SYT6: variants seen among roughly 807,000 people sequenced by gnomAD.
The protein encoded by SYT6 is synaptotagmin-6.
In SYT6, 24 loss-of-function variants were observed where a neutral mutation model predicts 38.4. That is an observed-to-expected ratio of 0.62 (90% CI 0.45 to 0.88). SYT6 has a LOEUF of 0.88. Among genes scored for constraint, SYT6 ranks in the 40% least tolerant of loss-of-function variants. The probability of loss-of-function intolerance (pLI) is 0.00; values close to 1 mark genes in which losing one functional copy is unlikely to be tolerated. For synonymous variants in SYT6, 265 were observed against 241.9 expected (o/e 1.10, Z -0.89); for missense variants, 611 against 621.0 (o/e 0.98, Z 0.17).
chr1:114,102,395 G>C (rs111904530), intron 4 of SYT6, among the ~76,000 whole-genome samples: 2,875 of 152,188 alleles, frequency 0.019, 87 homozygotes, highest in African/African-American at 0.066. Flanking sequence ...GGTTTCCTGA[G>C]CACCTTGTCC....
chr1:114,152,853 C>G (rs528975176), intron 1 of SYT6: 1 of 152,234 alleles, frequency 6.6e-6, no homozygotes, highest in Non-Finnish European at 1.5e-5. Context: ...CAGCGCGGAT[C>G]GGGCAGGAGG....
chr1:114,097,132 C>T (rs1218122720), intron 6 of SYT6, among the ~76,000 whole-genome samples: 1 of 152,224 alleles, frequency 6.6e-6, no homozygotes, highest in East Asian at 1.9e-4. Context: ...GGACTCCCAG[C>T]CCAGTGCTGT....
intron 1 of SYT6, among the ~76,000 whole-genome samples, chr1:114,146,968 A>G (rs568451856): frequency 1.3e-5 from 2 of 152,298 alleles, no homozygotes; most frequent in African/African-American, 4.8e-5. Flanking sequence ...AATATCACCT[A>G]TTTTTATTAG....
intron 6 of SYT6, among the ~76,000 whole-genome samples, chr1:114,094,414 G>A (rs1023256574): frequency 2.6e-5 from 4 of 152,164 alleles, no homozygotes; most frequent in East Asian, 1.9e-4. Context: ...CCCGGCCCCC[G>A]TAATAAAATG....
Position 114,134,376 on chromosome 1 carries a change from A to G in SYT6, c.1071+3119T>C, listed in dbSNP as rs137930362. 8.6e-4 allele frequency among the ~76,000 whole-genome samples: 131 copies of G among 152,298 alleles called. 1 individual carries two copies. Among genetic ancestry groups the G allele is most frequent in the East Asian group, 3.9e-4 (2 of 5,180 alleles). ...AATAGTCTTTTCCTTGGGTACCCAT[A>G]TATAGTTTTAATTGAATTAAGTAAG... On this transcript the variant is annotated intron_variant, in intron 3 of 7. Coordinates refer to ENST00000610222, the MANE Select transcript of SYT6 (RefSeq NM_001253772.2).
At chr1:114,115,042 A>G (rs993800125) in intron 3 of SYT6, among the ~76,000 whole-genome samples, 11 of 152,316 alleles carry the variant, frequency 7.2e-5, no homozygotes, top group Admixed American at 2.0e-4. Context: ...TTAAGCAAAG[A>G]CAGTGTTTCA....
At chr1:114,142,571 G>A (rs535763509) in intron 1 of SYT6, among the ~76,000 whole-genome samples, 4 of 152,284 alleles carry the variant, frequency 2.6e-5, no homozygotes, top group Non-Finnish European at 5.9e-5. Context: ...GGGGTTGAGA[G>A]GATTGACTCC....
At chr1:114,139,536 C>T (rs1678722738) in intron 2 of SYT6, 79 bp downstream of exon 2, 1 of 1,570,720 alleles carries the variant, frequency 6.4e-7, no homozygotes, top group Non-Finnish European at 8.7e-7. Flanking sequence ...TCTGTGATCC[C>T]CACAGGCTGG....
chr1:114,119,775 C>A (rs1428249203), intron 3 of SYT6, among the ~76,000 whole-genome samples: 1 of 152,150 alleles, frequency 6.6e-6, no homozygotes, highest in Non-Finnish European at 1.5e-5. Flanking sequence ...AACTTGTTTT[C>A]AAAAACCTCT....
intron 3 of SYT6, among the ~76,000 whole-genome samples, chr1:114,109,420 A>C (rs1453088204): frequency 6.6e-6 from 1 of 152,260 alleles, no homozygotes; most frequent in African/African-American, 2.4e-5. Context: ...AGGCAGATCC[A>C]GCTTCCAGCT....
chr1:114,108,280 T>C (rs1450616185), intron 3 of SYT6, among the ~76,000 whole-genome samples: 1 of 152,190 alleles, frequency 6.6e-6, no homozygotes, highest in Non-Finnish European at 1.5e-5. Context: ...AGCACAACAC[T>C]GTGCTCCCTG....
At chr1:114,098,431 G>A (rs1354244615) in intron 5 of SYT6, among the ~76,000 whole-genome samples, 2 of 152,164 alleles carry the variant, frequency 1.3e-5, no homozygotes, top group African/African-American at 4.8e-5. Context: ...AAGAAGTTAT[G>A]GGGACCAGAG....
intron 3 of SYT6, among the ~76,000 whole-genome samples, chr1:114,134,547 G>A (rs1678366752): frequency 6.6e-6 from 1 of 152,136 alleles, no homozygotes; most frequent in South Asian, 2.1e-4. Context: ...ATATAACTCG[G>A]GGATACAGAG....
At chr1:114,127,933 C>A (rs1677840010) in intron 3 of SYT6, among the ~76,000 whole-genome samples, 1 of 152,210 alleles carries the variant, frequency 6.6e-6, no homozygotes, top group African/African-American at 2.4e-5. Flanking sequence ...CGTTGAGCAG[C>A]AAACACACAA....
At chr1:114,142,844 G>A (rs1471183753) in intron 1 of SYT6, among the ~76,000 whole-genome samples, 1 of 152,070 alleles carries the variant, frequency 6.6e-6, no homozygotes, top group Non-Finnish European at 1.5e-5. Flanking sequence ...GCATTTTTTA[G>A]CAATCAAGCT....
chr1:114,125,107 A>G (rs1241582330), intron 3 of SYT6, among the ~76,000 whole-genome samples: 1 of 152,212 alleles, frequency 6.6e-6, no homozygotes, highest in East Asian at 1.9e-4. Context: ...CCTCAAGTGC[A>G]TCAGACACAG....
chr1:114,105,885 T>C (rs1007125522), intron 3 of SYT6, among the ~76,000 whole-genome samples: 3 of 152,144 alleles, frequency 2.0e-5, no homozygotes, highest in African/African-American at 7.2e-5. Context: ...TGTTCATTTT[T>C]GTTTCCATTC....
At chr1:114,103,504 T>A (rs1676086196) in intron 4 of SYT6, 97 bp downstream of exon 4, 1 of 1,527,700 alleles carries the variant, frequency 6.5e-7, no homozygotes, top group Non-Finnish European at 8.9e-7. Flanking sequence ...GTGCTTCTAT[T>A]CTAAGAATGC....
intron 3 of SYT6, among the ~76,000 whole-genome samples, chr1:114,117,569 G>A (rs1233828042): frequency 6.6e-6 from 1 of 152,198 alleles, no homozygotes; most frequent in East Asian, 1.9e-4. Context: ...CCTGCCTGCA[G>A]GGCCCCATGG....
Sources: gnomAD v4.1 joint callset for allele counts (sites outside exome capture counted in the v4.1 genomes callset) on GRCh38, gnomAD v4.1.1 for gene constraint, MANE v1.5 for transcripts, NCBI Gene and HGNC (gene_info 2026-07-23, HGNC 2026-07-21) for gene names.